Variants in ADAMTS12 observed in about 807,000 individuals in gnomAD.
The protein encoded by ADAMTS12 is ADAM metallopeptidase with thrombospondin type 1 motif 12, also known as A disintegrin and metalloproteinase with thrombospondin motifs 12.
A neutral mutation model predicts 167.8 loss-of-function variants in ADAMTS12; 118 were observed. That is an observed-to-expected ratio of 0.70 (90% CI 0.61 to 0.82). The LOEUF (loss-of-function observed/expected upper bound fraction) is 0.82. Among genes scored for constraint, ADAMTS12 ranks in the 40% least tolerant of loss-of-function variants. The pLI is 0.00. For synonymous variants in ADAMTS12, 704 were observed against 716.9 expected (o/e 0.98, Z 0.29); for missense variants, 1,916 against 1,998.8 (o/e 0.96, Z 0.79).
At chr5:33,604,701 AG>A (rs1320877258) in intron 16 of ADAMTS12, among the ~76,000 whole-genome samples, 1 of 152,100 alleles carries the variant, frequency 6.6e-6, no homozygotes, top group African/African-American at 2.4e-5. Flanking sequence ...ATGAGACAAC[AG>A]TTCTAAACAA....
intron 3 of ADAMTS12, among the ~76,000 whole-genome samples, chr5:33,725,584 C>G (rs1743951101): frequency 6.6e-6 from 1 of 152,146 alleles, no homozygotes; most frequent in Admixed American, 6.5e-5. Flanking sequence ...AGAAAGCACC[C>G]AAAGTAGATC....
intron 2 of ADAMTS12, among the ~76,000 whole-genome samples, chr5:33,869,048 G>C (rs970515965): frequency 5.3e-5 from 8 of 152,156 alleles, no homozygotes; most frequent in African/African-American, 1.9e-4. Flanking sequence ...AGACAATGAG[G>C]AAAGTGCCTC....
intron 2 of ADAMTS12, among the ~76,000 whole-genome samples, chr5:33,865,129 G>A (rs1749769599): frequency 6.6e-6 from 1 of 151,884 alleles, no homozygotes; most frequent in Non-Finnish European, 1.5e-5. Context: ...TATGAAACCA[G>A]TATCACCCTG....
chr5:33,643,285 T>C (rs1454391558), intron 10 of ADAMTS12, 93 bp downstream of exon 10: 1 of 1,274,074 alleles, frequency 7.8e-7, no homozygotes, highest in Non-Finnish European at 1.1e-6. Context: ...GCTCTTCCCT[T>C]AGAGAGAGTT....
intron 2 of ADAMTS12, among the ~76,000 whole-genome samples, chr5:33,778,400 G>A (rs1745993760): frequency 6.6e-6 from 1 of 152,140 alleles, no homozygotes; most frequent in South Asian, 2.1e-4. Flanking sequence ...CAACAAAGAT[G>A]CCAAGAATGC....
intron 2 of ADAMTS12, among the ~76,000 whole-genome samples, chr5:33,753,972 A>C (rs1745084231): frequency 6.6e-6 from 1 of 152,144 alleles, no homozygotes; most frequent in East Asian, 1.9e-4. Context: ...GTCACAGAGA[A>C]AGGAATAGGT....
rs758939488 is a variant in ADAMTS12, at chr5:33,576,088, C to T, written c.3938G>A (p.Gly1313Asp). The change falls in exon 19 of 24, where the codon GGC (glycine) becomes GAC (aspartate). Residue 1313 changes from glycine (G) to aspartate (D), a missense_variant. Physicochemically the swap from Gly to Asp is moderately conservative, Grantham distance 94 (BLOSUM62 -1). Transcript: ENST00000504830. The stretch of plus-strand genomic sequence containing the variant: ...GTTTCCGACGATCCAGTGTGCAGAG[C>T]CGTGGCCGTTTGTGAGCTGCTTGTA... Reference protein sequence around the residue: ...SNYKQLTNGHGSAHWIVGNWS... With the variant: ...SNYKQLTNGHDSAHWIVGNWS... 1.7e-5 allele frequency: 28 copies of T among 1,613,970 alleles called. No individual in the cohort carries two copies. The highest frequency in any genetic ancestry group is 2.3e-5 in the Non-Finnish European group (27 of 1,180,006).
intron 2 of ADAMTS12, among the ~76,000 whole-genome samples, chr5:33,755,172 T>C (rs1450317775): frequency 6.6e-6 from 1 of 152,214 alleles, no homozygotes; most frequent in East Asian, 1.9e-4. Context: ...GAAAAAATAT[T>C]TGATATACGC....
chr5:33,881,507 C>A (rs373654059), intron 1 of ADAMTS12, 27 bp from the exon 2 acceptor site: 3 of 1,597,352 alleles, frequency 1.9e-6, no homozygotes, highest in African/African-American at 1.3e-5. Context: ...AATGGAAGAA[C>A]AGTGAGGGAG....
At chr5:33,729,435 T>C (rs1038916746) in intron 3 of ADAMTS12, among the ~76,000 whole-genome samples, 11 of 152,230 alleles carry the variant, frequency 7.2e-5, no homozygotes, top group Admixed American at 6.5e-4. Flanking sequence ...ATTGTTTCAC[T>C]CTAATACAAG....
chr5:33,855,211 A>G (rs1352934703), intron 2 of ADAMTS12, among the ~76,000 whole-genome samples: 2 of 152,240 alleles, frequency 1.3e-5, no homozygotes, highest in African/African-American at 4.8e-5. Flanking sequence ...ACTGCACTTA[A>G]AAGAGTAACG....
intron 3 of ADAMTS12, among the ~76,000 whole-genome samples, chr5:33,733,998 T>TAC (rs147754057): frequency 0.011 from 1,570 of 139,430 alleles, 20 homozygotes; most frequent in South Asian, 0.054. Flanking sequence ...ACTTCCCCAC[T>TAC]ACACACACAC....
intron 5 of ADAMTS12, among the ~76,000 whole-genome samples, chr5:33,676,699 C>CACACACACACACAA (rs1741920025): frequency 6.7e-6 from 1 of 150,334 alleles, no homozygotes; most frequent in Non-Finnish European, 1.5e-5. Context: ...CACACACACA[C>CACACACACACACAA]ACACACACAG....
intron 2 of ADAMTS12, among the ~76,000 whole-genome samples, chr5:33,803,464 G>A (rs1177972067): frequency 6.6e-6 from 1 of 152,178 alleles, no homozygotes; most frequent in African/African-American, 2.4e-5. Context: ...CATTCTGGTT[G>A]TGTTTGATTC....
chr5:33,790,780 A>AACAT (rs1746530421), intron 2 of ADAMTS12, among the ~76,000 whole-genome samples: 1 of 86,392 alleles, frequency 1.2e-5, no homozygotes, highest in South Asian at 2.9e-4. Flanking sequence ...TTGACATACA[A>AACAT]ACATATATAT....
At chr5:33,548,232 G>A (rs960437722) in intron 21 of ADAMTS12, among the ~76,000 whole-genome samples, 2 of 152,174 alleles carry the variant, frequency 1.3e-5, no homozygotes, top group African/African-American at 2.4e-5. Context: ...AATGCCCATT[G>A]GGCTAGTTCC....
intron 19 of ADAMTS12, among the ~76,000 whole-genome samples, chr5:33,572,532 T>C (rs1746416526): frequency 6.8e-6 from 1 of 147,394 alleles, no homozygotes. Flanking sequence ...GAAAAGGCCT[T>C]TGACAAAATT....
chr5:33,681,563 T>G (rs967332104), intron 5 of ADAMTS12, among the ~76,000 whole-genome samples: 1 of 152,150 alleles, frequency 6.6e-6, no homozygotes, highest in Non-Finnish European at 1.5e-5. Flanking sequence ...ATTATCACAT[T>G]CTGGTAGAGG....
At chr5:33,859,479 G>A (rs1201383403) in intron 2 of ADAMTS12, among the ~76,000 whole-genome samples, 1 of 152,214 alleles carries the variant, frequency 6.6e-6, no homozygotes, top group African/African-American at 2.4e-5. Context: ...TCTAAGCAGG[G>A]CATCTCTGAA....
Sources: allele counts gnomAD v4.1 joint callset (sites outside exome capture counted in the v4.1 genomes callset), GRCh38; gene constraint gnomAD v4.1.1; transcripts MANE v1.5; gene names NCBI Gene and HGNC (gene_info 2026-07-23, HGNC 2026-07-21).